SPG11: variants seen among roughly 807,000 people sequenced by gnomAD.
SPG11 encodes SPG11 vesicle trafficking associated, spatacsin, also known as spatacsin.
Under a neutral mutation model 274.0 loss-of-function variants are expected in SPG11, and 222 were observed. The observed-to-expected ratio is 0.81, with a 90% CI of 0.73 to 0.91. SPG11 has a LOEUF of 0.91. SPG11 is among the 40% of genes least tolerant of loss of function. SPG11 has a pLI of 0.00. For missense variants in SPG11, 3,114 were observed against 2,872.7 expected, an observed-to-expected ratio of 1.08 and a Z score of -1.92; for synonymous variants, 1,144 against 1,039.7, an observed-to-expected ratio of 1.10 and a Z score of -1.93.
intron 7 of SPG11, among the ~76,000 whole-genome samples, chr15:44,641,068 A>G (rs1448794503): frequency 6.6e-6 from 1 of 152,208 alleles, no homozygotes; most frequent in Non-Finnish European, 1.5e-5. Context: ...GGTTATCGGT[A>G]TGGGAAAAAA....
chr15:44,568,670 G>C (rs1275790606), intron 35 of SPG11, among the ~76,000 whole-genome samples: 1 of 152,084 alleles, frequency 6.6e-6, no homozygotes, highest in Non-Finnish European at 1.5e-5. Context: ...CTAAACTTTT[G>C]TGTTTGATTC....
chr15:44,660,330 A>G (rs941904258), intron 2 of SPG11, 102 bp downstream of exon 2: 2 of 1,003,770 alleles, frequency 2.0e-6, no homozygotes, highest in Non-Finnish European at 1.6e-6. Context: ...TATATCAGAC[A>G]GCGTAGACCT....
intron 3 of SPG11, 24 bp downstream of exon 3, chr15:44,659,055 C>A: frequency 1.2e-6 from 2 of 1,607,674 alleles, no homozygotes; most frequent in South Asian, 2.2e-5. Context: ...ACGTATCAAT[C>A]AACACTTCTA....
In SPG11 at chr15:44,621,892, A is replaced by C. The variant is rs764475601; in HGVS notation, c.2487T>G (p.Val829=). ...KEQDFFKHKS[V]LDSFLKYDCK... ...AATCATATTTCAGGAATGAGTCCAA[A>C]ACAGACTTGTGCTTGAAAAAATCTT... Residue 829 remains valine (V), a synonymous_variant, in exon 14 of 40, where the codon GTT becomes GTG. Coordinates refer to ENST00000261866, the MANE Select transcript of SPG11 (RefSeq NM_025137.4). The C allele has an allele frequency of 5.0e-6, 8 of 1,613,808 alleles. No individual in the cohort carries two copies. The highest frequency in any genetic ancestry group is 1.7e-5 in the Admixed American group (1 of 59,974).
At chr15:44,591,667 C>T (rs1477419662) in intron 27 of SPG11, among the ~76,000 whole-genome samples, 1 of 152,224 alleles carries the variant, frequency 6.6e-6, no homozygotes, top group African/African-American at 2.4e-5. Flanking sequence ...ACTTTCAAAT[C>T]TTCATTACAG....
At position 44,598,737 on chromosome 15, in the gene SPG11, G is replaced by T; in HGVS notation, c.3786C>A (p.Gly1262=). ...AACVCFLELL[G]LDSLKLRVDM... is the part of the protein sequence containing the mutation. ...CAACTCTGAGCTTGAGGCTGTCAAGGCCAAGCAATTCTAAGAAACAAACAC... is the reference window on the plus strand; with the variant it reads ...CAACTCTGAGCTTGAGGCTGTCAAGTCCAAGCAATTCTAAGAAACAAACAC... Residue 1262 remains glycine (G), a synonymous_variant, in exon 22 of 40, where the codon GGC becomes GGA. Transcript: ENST00000261866. 2 of 1,614,176 alleles carry T rather than the reference G, an allele frequency of 1.2e-6. No individual in the cohort carries two copies. The highest frequency in any genetic ancestry group is 1.7e-6 in the Non-Finnish European group (2 of 1,180,022).
intron 34 of SPG11, among the ~76,000 whole-genome samples, chr15:44,569,842 AAGT>A (rs2082382314): frequency 2.0e-5 from 3 of 150,828 alleles, no homozygotes; most frequent in Admixed American, 6.6e-5. Context: ...TCAGCCTCCC[AAGT>A]AGCTGGGATT....
At chr15:44,618,126 T>G (rs2141019781) in intron 15 of SPG11, among the ~76,000 whole-genome samples, 1 of 152,336 alleles carries the variant, frequency 6.6e-6, no homozygotes, top group South Asian at 2.1e-4. Context: ...CAGGCTTGTC[T>G]TGCTCCAAAT....
chr15:44,573,926 A>C, intron 31 of SPG11, 181 bp from the exon 32 acceptor site: 2 of 630,094 alleles, frequency 3.2e-6, no homozygotes, highest in Non-Finnish European at 5.6e-6. Context: ...CATTTCACCA[A>C]AGCCAAATCC....
chr15:44,613,882 T>TA (rs1288242695), intron 16 of SPG11, among the ~76,000 whole-genome samples: 6 of 152,248 alleles, frequency 3.9e-5, no homozygotes, highest in Non-Finnish European at 5.9e-5. Context: ...AAGAGGCTTT[T>TA]AAAAAACTCT....
chr15:44,585,746 G>A lies in SPG11; in HGVS notation c.5011C>T (p.His1671Tyr), dbSNP rs141011688. The A allele has an allele frequency of 2.6e-5, 42 of 1,613,988 alleles. No individual in the cohort carries two copies. The African/African-American group carries it at 5.3e-4, about 20-fold the overall frequency. ...CTTTCCAAAATAGATCTACATTCAT[G>A]CTGAAGATTCTCAATGCTGTAGCTG... is the stretch of plus-strand genomic sequence containing the variant. The part of the protein sequence containing the change: ...ITSYSIENLQ[H>Y]ECRSILERLQ... Residue 1671 changes from histidine to tyrosine, a missense_variant, in exon 29 of 40, where the codon CAT (histidine) becomes TAT (tyrosine). Coordinates refer to ENST00000261866, the MANE Select transcript of SPG11 (RefSeq NM_025137.4).
chr15:44,568,900 G>A (rs954731157), intron 35 of SPG11, among the ~76,000 whole-genome samples: 6 of 152,088 alleles, frequency 3.9e-5, no homozygotes, highest in Admixed American at 6.6e-5. Flanking sequence ...GGCTGGGCAC[G>A]GTGGCTCATG....
chr15:44,579,603 A>G (rs778670808), intron 30 of SPG11, among the ~76,000 whole-genome samples: 77 of 152,244 alleles, frequency 5.1e-4, no homozygotes, highest in Non-Finnish European at 8.7e-4. Context: ...GCTAGCTAGC[A>G]TTAAAATGAT....
Position 44,615,448 on chromosome 15 carries a change from C to T in SPG11, c.2953G>A (p.Gly985Ser), listed in dbSNP as rs142023498. ...LPVQNYKTKE[G>S]WDFHSQFILY... is the part of the protein sequence containing the mutation. ...ATGAATTGAGAATGGAAATCCCAAC[C>T]TTCTTTGGTCTTGTAGTTTTGAACA... The change falls in exon 16 of 40, where the codon GGT becomes AGT. Residue 985 changes from glycine to serine, a missense_variant. Physicochemically the swap from Gly to Ser is moderately conservative, Grantham distance 56 (BLOSUM62 0). Coordinates refer to ENST00000261866, the MANE Select transcript of SPG11 (RefSeq NM_025137.4). 1 of 1,614,078 alleles carries T rather than the reference C, an allele frequency of 6.2e-7. No individual in the cohort carries two copies. The highest frequency in any genetic ancestry group is 1.3e-5 in the African/African-American group (1 of 75,038).
At chr15:44,580,095 AAATCTCCAATTG>A (rs1282340519) in intron 30 of SPG11, among the ~76,000 whole-genome samples, 1 of 152,212 alleles carries the variant, frequency 6.6e-6, no homozygotes, top group Non-Finnish European at 1.5e-5. Flanking sequence ...TTTTAAATGA[AAATCTCCAATTG>A]TTTATTTCCT....
intron 7 of SPG11, among the ~76,000 whole-genome samples, chr15:44,636,579 G>A (rs1003150310): frequency 2.2e-4 from 33 of 151,506 alleles, no homozygotes; most frequent in Admixed American, 1.9e-3. Flanking sequence ...GGAAAATAGC[G>A]TGAACCTGGG....
chr15:44,620,358 G>C lies in SPG11; in HGVS notation c.2666C>G (p.Ala889Gly). ...GATAATGTTTAACCAATCATGGCGA[G>C]CTGTGAGGTATCTCCAGAGGGCTTC... ...SPEALWRYLT[A>G]RHDWLNIILW... The change falls in exon 15 of 40, where the codon GCT becomes GGT. Residue 889 changes from alanine to glycine, a missense_variant. By Grantham distance (60) the Ala-to-Gly change is moderately conservative (BLOSUM62 0). Transcript: ENST00000261866. The C allele has an allele frequency of 6.2e-7, 1 of 1,614,044 alleles. No homozygotes were observed. The highest frequency in any genetic ancestry group is 2.2e-5 in the East Asian group (1 of 44,856).
rs2083380685 is a variant in SPG11, at chr15:44,608,549, C to T, written c.3348G>A (p.Leu1116=). ...TGGGGTAAGGAGTTAATGCCATCTT[C>T]AATAGCTGGGGATCCACTTTCTTCA... ...NCLKKVDPQL[L]KMALTPYPKL... Residue 1116 remains leucine, a synonymous_variant, in exon 19 of 40, where the codon TTG becomes TTA. Coordinates refer to ENST00000261866, the MANE Select transcript of SPG11 (RefSeq NM_025137.4). The T allele has an allele frequency of 6.2e-7, 1 of 1,613,960 alleles. No homozygotes were observed. Among genetic ancestry groups the T allele is most frequent in the African/African-American group, 1.3e-5 (1 of 74,906 alleles).
rs759995120 is a variant in SPG11, at chr15:44,620,650, TCAG to T, written c.2621-250_2621-248del. ...CCTGGGCTCAAGTGGTACTCCTACT[TCAG>T]CTGCCCAAGTAGCAGGGACTACAGG... On this transcript the variant is annotated intron_variant, in intron 14 of 39. Coordinates refer to ENST00000261866, the MANE Select transcript of SPG11 (RefSeq NM_025137.4). 240 of 435,380 alleles carry T rather than the reference TCAG, an allele frequency of 5.5e-4. 1 individual carries two copies. Among genetic ancestry groups the T allele is most frequent in the Non-Finnish European group, 8.6e-4 (208 of 241,362 alleles). The allele number at this position is 435,380 out of a possible 1,614,324, so 27.0% of individuals were successfully genotyped here. A position where few individuals can be genotyped will look rare whatever the true frequency, so the allele number is the denominator to read the frequency against.
Sources: gnomAD v4.1 joint callset for allele counts (sites outside exome capture counted in the v4.1 genomes callset) on GRCh38, gnomAD v4.1.1 for gene constraint, MANE v1.5 for transcripts, NCBI Gene and HGNC (gene_info 2026-07-23, HGNC 2026-07-21) for gene names.